Variants in DCAF12 observed in about 807,000 individuals in gnomAD.
DCAF12 encodes the protein DDB1- and CUL4-associated factor 12.
In DCAF12, 28 loss-of-function variants were observed where a neutral mutation model predicts 52.8. The observed-to-expected ratio is 0.53, with a 90% CI of 0.39 to 0.73. The LOEUF (loss-of-function observed/expected upper bound fraction) is 0.73, where lower values mean the gene tolerates loss of function less well. Ranked by LOEUF, DCAF12 falls within the 30% of genes least tolerant of loss-of-function variation. DCAF12 has a pLI of 0.00. For missense variants in DCAF12, 425 were observed against 552.2 expected (o/e 0.77, Z 2.31); for synonymous variants, 196 against 215.5 (o/e 0.91, Z 0.79).
intron 4 of DCAF12, among the ~76,000 whole-genome samples, chr9:34,102,236 G>C (rs1048574069): frequency 2.9e-4 from 44 of 151,694 alleles, no homozygotes; most frequent in African/African-American, 1.0e-3. Context: ...GGTGCAGTGA[G>C]CTGGGATCAC....
chr9:34,119,287 T>C (rs1206582191), intron 2 of DCAF12, among the ~76,000 whole-genome samples: 3 of 152,230 alleles, frequency 2.0e-5, no homozygotes, highest in African/African-American at 7.2e-5. Context: ...GTACAAACGA[T>C]ACTTTATCAA....
intron 5 of DCAF12, 85 bp downstream of exon 5, chr9:34,098,239 C>T: frequency 4.3e-6 from 6 of 1,393,428 alleles, no homozygotes; most frequent in Non-Finnish European, 6.0e-6. Context: ...ATGTAGCAAG[C>T]ACTGATGGGG....
chr9:34,121,515 G>A (rs1467203955), intron 2 of DCAF12, among the ~76,000 whole-genome samples: 1 of 152,170 alleles, frequency 6.6e-6, no homozygotes, highest in Non-Finnish European at 1.5e-5. Context: ...GTCCCTGGTA[G>A]TCTTTGACTG....
chr9:34,125,010 C>G lies in DCAF12; in HGVS notation c.333+13G>C. 6.2e-7 allele frequency: 1 copy of G among 1,612,304 alleles called. No homozygotes were observed. The highest frequency in any genetic ancestry group is 8.5e-7 in the Non-Finnish European group (1 of 1,179,884). ...CGACCTAGGAGAGAGGTCACATCCCCCCAGGCACTTACCGTGTTGCATTTT... is the reference window on the plus strand; with the variant it reads ...CGACCTAGGAGAGAGGTCACATCCCGCCAGGCACTTACCGTGTTGCATTTT... On this transcript the variant is annotated intron_variant, in intron 2 of 8. Transcript: ENST00000361264.
chr9:34,105,955 G>A (rs1828897724), intron 4 of DCAF12, among the ~76,000 whole-genome samples: 1 of 151,948 alleles, frequency 6.6e-6, no homozygotes, highest in Non-Finnish European at 1.5e-5. Flanking sequence ...TCACCATGCT[G>A]GCCAGCCTGG....
intron 1 of DCAF12, chr9:34,125,511 G>A (rs2131445765): frequency 1.6e-6 from 1 of 610,982 alleles, no homozygotes; most frequent in East Asian, 3.2e-5. Context: ...TGAAAGTCAA[G>A]GGAATGAATG....
chr9:34,092,662 G>A (rs546712388), intron 7 of DCAF12, among the ~76,000 whole-genome samples: 26 of 150,332 alleles, frequency 1.7e-4, no homozygotes, highest in African/African-American at 5.6e-4. Context: ...CTCCAGCCTG[G>A]CAAAAGAGCG....
intron 6 of DCAF12, among the ~76,000 whole-genome samples, chr9:34,094,264 G>A (rs753157740): frequency 1.0e-3 from 159 of 152,082 alleles, no homozygotes; most frequent in Non-Finnish European, 2.0e-3. Context: ...AAATTAGCTA[G>A]GGGTAGTGGT....
At chr9:34,098,820 G>A (rs182366784) in intron 4 of DCAF12, among the ~76,000 whole-genome samples, 1 of 152,150 alleles carries the variant, frequency 6.6e-6, no homozygotes, top group Admixed American at 6.5e-5. Flanking sequence ...CCAGGCTGGA[G>A]TGCAGTGGTG....
chr9:34,125,093 G>A lies in DCAF12; in HGVS notation c.263C>T (p.Thr88Ile), dbSNP rs761232516. 14 of 1,613,954 alleles carry A rather than the reference G, an allele frequency of 8.7e-6. No homozygotes were observed. The highest frequency in any genetic ancestry group is 5.5e-5 in the South Asian group (5 of 91,076). The change falls in exon 2 of 9, where the codon ACC (threonine) becomes ATC (isoleucine). Residue 88 changes from threonine (T) to isoleucine (I), a missense_variant. This residue lies in a region of DCAF12 where 328 missense variants were observed against 444.4 expected (regional missense o/e 0.74). Transcript: ENST00000361264. The stretch of plus-strand genomic sequence containing the variant: ...CTGAGATGCAAACACTTTATTAAGG[G>A]TCCCAAGGTGAAACTCTCTCTCCTT... Reference protein sequence around the residue: ...LLKEREFHLGTLNKVFASQWL... With the variant: ...LLKEREFHLGILNKVFASQWL...
Position 34,086,948 on chromosome 9 carries a change from G to C in DCAF12, c.*1402C>G, listed in dbSNP as rs1481387708. On this transcript the variant is annotated 3_prime_UTR_variant, in exon 9 of 9. Transcript: ENST00000361264. ...GACAGAAAAGCAGAGTATGTGCTTA[G>C]AGGAACTGGTGGGTGGGAACAGCTG... 6 of 152,210 alleles carry C rather than the reference G, an allele frequency of 3.9e-5. No homozygotes were observed. The highest frequency in any genetic ancestry group is 5.9e-5 in the Non-Finnish European group (4 of 68,048). The allele number at this position is 152,210 out of a possible 1,614,324, so 9.4% of individuals were successfully genotyped here.
Position 34,098,379 on chromosome 9 carries a change from T to C in DCAF12, c.740A>G (p.Asp247Gly), listed in dbSNP as rs771647962. 5 of 1,614,136 alleles carry C rather than the reference T, an allele frequency of 3.1e-6. No individual in the cohort carries two copies. The highest frequency in any genetic ancestry group is 4.2e-6 in the Non-Finnish European group (5 of 1,180,042). Residue 247 changes from aspartate (D) to glycine (G), a missense_variant, in exon 5 of 9, where the codon GAC becomes GGC. By Grantham distance (94) the Asp-to-Gly change is moderately conservative. Around this residue, in one of 3 missense-constraint regions of DCAF12, gnomAD observed 328 missense variants for 444.4 expected, o/e 0.74. Transcript: ENST00000361264. ...AACCTTGCAGTTGTCAGGGTTTGTG[T>C]CTTCTTTGGGGATGTCCTTTAAGGC... ...HKALKDIPKE[D>G]TNPDNCKVRA...
In DCAF12 at chr9:34,098,424, TACACAGGGACCCGTG is replaced by T; in HGVS notation, c.680_694del (p.Ser227_Val231del). On this transcript the variant is annotated inframe_deletion, in exon 5 of 9. Coordinates refer to ENST00000361264, the MANE Select transcript of DCAF12 (RefSeq NM_015397.4). ...TAAGGCCTTGTGAGTGATGTGTGCATACACAGGGACCCGTGACACATTGTGTCTCGCATCACTTTT... is the reference window on the plus strand; with the variant it reads ...TAAGGCCTTGTGAGTGATGTGTGCATACACATTGTGTCTCGCATCACTTTT... The T allele has an allele frequency of 6.2e-7, 1 of 1,614,238 alleles. No homozygotes were observed. Among genetic ancestry groups the T allele is most frequent in the Non-Finnish European group, 8.5e-7 (1 of 1,180,046 alleles).
Position 34,126,537 on chromosome 9 carries a change from G to A in DCAF12, c.-106C>T. The A allele has an allele frequency of 7.8e-7, 1 of 1,275,572 alleles. No homozygotes were observed. The highest frequency in any genetic ancestry group is 2.7e-4 in the Middle Eastern group (1 of 3,662). The allele number at this position is 1,275,572 out of a possible 1,614,324, so 79.0% of individuals were successfully genotyped here. ...GCCCCGGGGCCGCGCACCTTAGTGC[G>A]CCCGGCCCGGAAAATGGCCCGGACC... On this transcript the variant is annotated 5_prime_UTR_variant, in exon 1 of 9. Transcript: ENST00000361264.
chr9:34,115,270 GGACA>G (rs1317614312), intron 2 of DCAF12, among the ~76,000 whole-genome samples: 18 of 151,828 alleles, frequency 1.2e-4, no homozygotes, highest in Middle Eastern at 3.4e-3. Context: ...AACAGAAAAT[GGACA>G]GACAATATGT....
chr9:34,102,983 G>C lies in DCAF12; in HGVS notation c.601+3451C>G, dbSNP rs993428063. ...GTCCCAGCTACTCAGGGACAGGGGT[G>C]GGGTGCTGAGACAGGAGGATTGTTT... On this transcript the variant is annotated intron_variant, in intron 4 of 8. Transcript: ENST00000361264. Among the ~76,000 whole-genome samples the C allele has an allele frequency of 2.7e-5, 4 of 149,556 alleles. No individual in the cohort carries two copies. In the East Asian group the frequency reaches 8.0e-4, roughly 30 times the overall value.
At chr9:34,104,791 C>A (rs1383505816) in intron 4 of DCAF12, among the ~76,000 whole-genome samples, 1 of 151,560 alleles carries the variant, frequency 6.6e-6, no homozygotes, top group African/African-American at 2.4e-5. Context: ...GTGGTGGGCA[C>A]CTGTAATCCC....
chr9:34,093,098 C>T (rs1196810801), intron 7 of DCAF12, among the ~76,000 whole-genome samples, 188 bp downstream of exon 7: 3 of 152,260 alleles, frequency 2.0e-5, no homozygotes, highest in East Asian at 1.9e-4. Flanking sequence ...ATCCACCCGC[C>T]TCGGCCTCCC....
chr9:34,105,142 A>G (rs1417631524), intron 4 of DCAF12, among the ~76,000 whole-genome samples: 1 of 151,890 alleles, frequency 6.6e-6, no homozygotes, highest in Non-Finnish European at 1.5e-5. Context: ...AATCCCAGCT[A>G]CTCAGGAGGC....
Sources: allele counts gnomAD v4.1 joint callset (sites outside exome capture counted in the v4.1 genomes callset), GRCh38; gene constraint gnomAD v4.1.1; regional missense constraint gnomAD v4.1.1; transcripts MANE v1.5; gene names NCBI Gene and HGNC (gene_info 2026-07-23, HGNC 2026-07-21).